The following LEPROT variants were observed in gnomAD, a reference collection of about 807,000 sequenced individuals.
LEPROT encodes leptin receptor overlapping transcript.
Under a neutral mutation model 15.4 loss-of-function variants are expected in LEPROT, and 3 were observed. That is an observed-to-expected ratio of 0.19 (90% CI 0.09 to 0.50). LEPROT has a LOEUF of 0.50. Ranked by LOEUF, LEPROT falls within the 20% of genes least tolerant of loss-of-function variation. The probability of loss-of-function intolerance (pLI) is 0.97; values close to 1 mark genes in which losing one functional copy is unlikely to be tolerated. For missense variants in LEPROT, 137 were observed against 162.2 expected, an observed-to-expected ratio of 0.84 and a Z score of 0.84; for synonymous variants, 59 against 57.5, an observed-to-expected ratio of 1.03 and a Z score of -0.12.
chr1:65,425,324 G>C lies in LEPROT; in HGVS notation c.38G>C (p.Ser13Thr). 6.2e-7 allele frequency: 1 copy of C among 1,611,446 alleles called. No homozygotes were observed. The highest frequency in any genetic ancestry group is 8.5e-7 in the Non-Finnish European group (1 of 1,179,362). ...GVKALVALSF[S>T]GAIGLTFLML... ...ACAGCTCTCGTGGCATTATCCTTCA[G>C]TGGGGCTATTGGACTGACTTTTCTT... The change falls in exon 2 of 4, where the codon AGT becomes ACT. Residue 13 changes from serine (S) to threonine (T), a missense_variant. By Grantham distance (58) the Ser-to-Thr change is moderately conservative. Coordinates refer to ENST00000371065, the MANE Select transcript of LEPROT (RefSeq NM_017526.5).
In LEPROT at chr1:65,433,895, T is replaced by G. The variant is rs1231741433; in HGVS notation, c.*1976T>G. The G allele has an allele frequency of 1.0e-6, 1 of 985,242 alleles. No homozygotes were observed. The highest frequency in any genetic ancestry group is 1.7e-5 in the African/African-American group (1 of 57,246). 61.0% of individuals were successfully genotyped at this position (985,242 alleles called of 1,614,324 possible). A position where few individuals can be genotyped will look rare whatever the true frequency, so the allele number is the denominator to read the frequency against. ...TTCTTGATGTTTTAAAATGGGCAGT[T>G]TTGAGCAATAATCTGTCCTAACAGA... On this transcript the variant is annotated 3_prime_UTR_variant, in exon 4 of 4. Coordinates refer to ENST00000371065, the MANE Select transcript of LEPROT (RefSeq NM_017526.5).
chr1:65,422,234 G>T (rs1646265210), intron 1 of LEPROT, among the ~76,000 whole-genome samples: 2 of 152,202 alleles, frequency 1.3e-5, no homozygotes, highest in Admixed American at 6.5e-5. Flanking sequence ...CTTATAAGAA[G>T]AGGGGAATTT....
In LEPROT at chr1:65,420,673, G is replaced by C. The variant is rs1049669496; in HGVS notation, c.-52G>C. The C allele has an allele frequency of 4.5e-6, 7 of 1,560,056 alleles. No homozygotes were observed. In the African/African-American group the frequency reaches 6.8e-5, roughly 15 times the overall value. On this transcript the variant is annotated 5_prime_UTR_variant, in exon 1 of 4. Coordinates refer to ENST00000371065, the MANE Select transcript of LEPROT (RefSeq NM_017526.5). The stretch of plus-strand genomic sequence containing the variant: ...ACTCCCGGTCTGGCTTGGGCAGGCT[G>C]CCCGGGCCGTGGCAGGAAGCCGGAA...
At position 65,433,910 on chromosome 1, in the gene LEPROT, G is replaced by T. The variant is rs115955532; in HGVS notation, c.*1991G>T. 6.1e-6 allele frequency: 6 copies of T among 985,004 alleles called. No individual in the cohort carries two copies. The African/African-American group carries it at 1.0e-4, about 17-fold the overall frequency. 61.0% of individuals were successfully genotyped at this position (985,004 alleles called of 1,614,324 possible). A position where few individuals can be genotyped will look rare whatever the true frequency, so the allele number is the denominator to read the frequency against. ...AATGGGCAGTTTTGAGCAATAATCTGTCCTAACAGAACAGTAGCAATAAGT... is the reference window on the plus strand; with the variant it reads ...AATGGGCAGTTTTGAGCAATAATCTTTCCTAACAGAACAGTAGCAATAAGT... On this transcript the variant is annotated 3_prime_UTR_variant, in exon 4 of 4. Transcript: ENST00000371065.
At position 65,432,434 on chromosome 1, in the gene LEPROT, G is replaced by A; in HGVS notation, c.*515G>A. The stretch of plus-strand genomic sequence containing the variant: ...CTCTGGACCCAGGACATTTTGATGA[G>A]ATCCAAAGGAGTTGTATGCACATGA... On this transcript the variant is annotated 3_prime_UTR_variant, in exon 4 of 4. Transcript: ENST00000371065. 1.4e-6 allele frequency: 1 copy of A among 695,150 alleles called. No individual in the cohort carries two copies. The highest frequency in any genetic ancestry group is 1.8e-6 in the Non-Finnish European group (1 of 564,710). 43.1% of individuals were successfully genotyped at this position (695,150 alleles called of 1,614,324 possible).
Position 65,432,354 on chromosome 1 carries a change from C to T in LEPROT, c.*435C>T, listed in dbSNP as rs1646497799. ...GCTATTAAAAGTGTGGCCCACAGAC[C>T]AAGAGCCTCAACATTTCCTAGAGCC... is the stretch of plus-strand genomic sequence containing the variant. On this transcript the variant is annotated 3_prime_UTR_variant, in exon 4 of 4. Coordinates refer to ENST00000371065, the MANE Select transcript of LEPROT (RefSeq NM_017526.5). 1 of 976,272 alleles carries T rather than the reference C, an allele frequency of 1.0e-6. No individual in the cohort carries two copies. The highest frequency in any genetic ancestry group is 1.2e-6 in the Non-Finnish European group (1 of 821,598). 60.5% of individuals were successfully genotyped at this position (976,272 alleles called of 1,614,324 possible). A position where few individuals can be genotyped will look rare whatever the true frequency, so the allele number is the denominator to read the frequency against.
At chr1:65,428,459 C>T (rs1646422780) in intron 2 of LEPROT, among the ~76,000 whole-genome samples, 1 of 152,176 alleles carries the variant, frequency 6.6e-6, no homozygotes, top group African/African-American at 2.4e-5. Context: ...CTACTTCCCA[C>T]AATATTGTTT....
intron 1 of LEPROT, chr1:65,421,248 G>A: frequency 2.9e-6 from 4 of 1,394,448 alleles, no homozygotes; most frequent in South Asian, 3.1e-5. Flanking sequence ...CAGAAAGACG[G>A]TGTTTCTCGC....
intron 1 of LEPROT, among the ~76,000 whole-genome samples, chr1:65,424,753 G>A (rs1178410649): frequency 1.3e-5 from 2 of 152,186 alleles, no homozygotes; most frequent in Non-Finnish European, 2.9e-5. Context: ...CTCTCACATT[G>A]GAGAACAGAG....
intron 2 of LEPROT, among the ~76,000 whole-genome samples, chr1:65,425,785 A>C (rs1247873967): frequency 1.3e-5 from 2 of 152,202 alleles, no homozygotes. Flanking sequence ...CAGTCAGGGA[A>C]GGCTGCATGG....
chr1:65,435,822 T>G lies in LEPROT; in HGVS notation c.*3903T>G, dbSNP rs1434301818. On this transcript the variant is annotated 3_prime_UTR_variant, in exon 4 of 4. Transcript: ENST00000371065. Reference sequence around the variant, plus strand: ...ATAAATATTAGTTGTGCATTTTAATTTAATTCTCCTTTTTCCATTTTGTCT... The same window carrying G: ...ATAAATATTAGTTGTGCATTTTAATGTAATTCTCCTTTTTCCATTTTGTCT... 2.0e-6 allele frequency: 2 copies of G among 982,944 alleles called. No individual in the cohort carries two copies. Among genetic ancestry groups the G allele is most frequent in the Non-Finnish European group, 1.2e-6 (1 of 827,784 alleles). The allele number at this position is 982,944 out of a possible 1,614,324, so 60.9% of individuals were successfully genotyped here. A position where few individuals can be genotyped will look rare whatever the true frequency, so the allele number is the denominator to read the frequency against.
At chr1:65,426,388 T>C (rs559111549) in intron 2 of LEPROT, among the ~76,000 whole-genome samples, 1 of 152,048 alleles carries the variant, frequency 6.6e-6, no homozygotes, top group African/African-American at 2.4e-5. Context: ...AGGTTCCATT[T>C]TATACATCAG....
intron 1 of LEPROT, among the ~76,000 whole-genome samples, chr1:65,424,572 C>G (rs1646320704): frequency 6.6e-6 from 1 of 152,148 alleles, no homozygotes; most frequent in African/African-American, 2.4e-5. Context: ...AGACATGGGT[C>G]ATTGTCTTAA....
intron 1 of LEPROT, chr1:65,421,254 C>G (rs1422112881): frequency 1.4e-6 from 2 of 1,410,850 alleles, no homozygotes; most frequent in East Asian, 5.1e-5. Context: ...GACGGTGTTT[C>G]TCGCAGTCGT....
chr1:65,433,784 A>C lies in LEPROT; in HGVS notation c.*1865A>C. 2.1e-6 allele frequency: 2 copies of C among 950,002 alleles called. No homozygotes were observed. The highest frequency in any genetic ancestry group is 2.5e-6 in the Non-Finnish European group (2 of 797,988). 58.8% of individuals were successfully genotyped at this position (950,002 alleles called of 1,614,324 possible). A position where few individuals can be genotyped will look rare whatever the true frequency, so the allele number is the denominator to read the frequency against. On this transcript the variant is annotated 3_prime_UTR_variant, in exon 4 of 4. Transcript: ENST00000371065. ...ACACTTGCATTTATTGTATTGTAATAAATTTCACTTTTAACTTTAAAAGTT... is the reference window on the plus strand; with the variant it reads ...ACACTTGCATTTATTGTATTGTAATCAATTTCACTTTTAACTTTAAAAGTT...
At position 65,435,116 on chromosome 1, in the gene LEPROT, G is replaced by C. The variant is rs1411910323; in HGVS notation, c.*3197G>C. ...AGAAGGATAGCAATATTTTGGGACA[G>C]GGAAAATCCTGTCATACCTCATCTC... On this transcript the variant is annotated 3_prime_UTR_variant, in exon 4 of 4. Transcript: ENST00000371065. 1 of 985,278 alleles carries C rather than the reference G, an allele frequency of 1.0e-6. No individual in the cohort carries two copies. The highest frequency in any genetic ancestry group is 1.2e-6 in the Non-Finnish European group (1 of 829,956). The allele number at this position is 985,278 out of a possible 1,614,324, so 61.0% of individuals were successfully genotyped here.
chr1:65,423,237 GC>G (rs1235909305), intron 1 of LEPROT, among the ~76,000 whole-genome samples: 1 of 152,146 alleles, frequency 6.6e-6, no homozygotes, highest in Non-Finnish European at 1.5e-5. Flanking sequence ...TTGCGGCCGG[GC>G]CCTTGTGGTA....
Position 65,435,227 on chromosome 1 carries a change from T to C in LEPROT, c.*3308T>C. 1.0e-6 allele frequency: 1 copy of C among 985,408 alleles called. No homozygotes were observed. The highest frequency in any genetic ancestry group is 1.2e-6 in the Non-Finnish European group (1 of 829,896). 61.0% of individuals were successfully genotyped at this position (985,408 alleles called of 1,614,324 possible). On this transcript the variant is annotated 3_prime_UTR_variant, in exon 4 of 4. Coordinates refer to ENST00000371065, the MANE Select transcript of LEPROT (RefSeq NM_017526.5). Reference sequence around the variant, plus strand: ...AAGAACTCATAGATTTTTCTTACTGTCCTAAGGAAGTCCTTACCTCTGAGG... The same window carrying C: ...AAGAACTCATAGATTTTTCTTACTGCCCTAAGGAAGTCCTTACCTCTGAGG...
At position 65,434,346 on chromosome 1, in the gene LEPROT, T is replaced by G. The variant is rs913013836; in HGVS notation, c.*2427T>G. On this transcript the variant is annotated 3_prime_UTR_variant, in exon 4 of 4. Coordinates refer to ENST00000371065, the MANE Select transcript of LEPROT (RefSeq NM_017526.5). ...CTTTTTTTATATATTGTACAATATATTTGGAGATTCAGAGCATAGTGACTA... is the reference window on the plus strand; with the variant it reads ...CTTTTTTTATATATTGTACAATATAGTTGGAGATTCAGAGCATAGTGACTA... 7 of 985,168 alleles carry G rather than the reference T, an allele frequency of 7.1e-6. No homozygotes were observed. In the African/African-American group the frequency reaches 1.2e-4, roughly 17 times the overall value. 61.0% of individuals were successfully genotyped at this position (985,168 alleles called of 1,614,324 possible). A position where few individuals can be genotyped will look rare whatever the true frequency, so the allele number is the denominator to read the frequency against.
Sources: gnomAD v4.1 joint callset for allele counts (sites outside exome capture counted in the v4.1 genomes callset) on GRCh38, gnomAD v4.1.1 for gene constraint, MANE v1.5 for transcripts, NCBI Gene and HGNC (gene_info 2026-07-23, HGNC 2026-07-21) for gene names.